Variants in GRID1 observed in about 807,000 individuals in gnomAD.
The protein encoded by GRID1 is glutamate ionotropic receptor delta type subunit 1.
Under a neutral mutation model 98.0 loss-of-function variants are expected in GRID1, and 28 were observed. That is an observed-to-expected ratio of 0.29 (90% CI 0.21 to 0.39). GRID1 has a LOEUF of 0.39. Ranked by LOEUF, GRID1 falls within the 10% of genes least tolerant of loss-of-function variation. The pLI, the probability that GRID1 is intolerant of heterozygous loss-of-function variation, is 1.00. For synonymous variants in GRID1, 553 were observed against 538.5 expected (o/e 1.03, Z -0.37); for missense variants, 1,111 against 1,340.5 (o/e 0.83, Z 2.67).
At chr10:85,877,450 T>G (rs1288609579) in intron 5 of GRID1, among the ~76,000 whole-genome samples, 2 of 152,110 alleles carry the variant, frequency 1.3e-5, no homozygotes, top group Non-Finnish European at 2.9e-5. Flanking sequence ...GTCACCAAAA[T>G]CCACTGTTCT....
At chr10:85,729,686 C>T (rs1841802022) in intron 8 of GRID1, 72 bp from the exon 9 acceptor site, 5 of 884,800 alleles carry the variant, frequency 5.7e-6, no homozygotes, top group Admixed American at 2.0e-5. Flanking sequence ...TCGGCTCCTA[C>T]ACTGGGATCC....
chr10:85,840,739 T>A (rs555591761), intron 8 of GRID1, among the ~76,000 whole-genome samples: 1 of 152,090 alleles, frequency 6.6e-6, no homozygotes, highest in Non-Finnish European at 1.5e-5. Context: ...CCATTCACAA[T>A]TGCCACAAAA....
At chr10:85,940,979 T>C (rs17105990) in intron 4 of GRID1, among the ~76,000 whole-genome samples, 12,900 of 152,222 alleles carry the variant, frequency 0.085, 635 homozygotes, top group East Asian at 0.18. Context: ...TAAGAACCAT[T>C]CTGCTTGGGG....
chr10:86,178,569 G>A (rs578201080), intron 3 of GRID1, among the ~76,000 whole-genome samples: 3 of 152,318 alleles, frequency 2.0e-5, no homozygotes, highest in Admixed American at 1.3e-4. Flanking sequence ...GCACAAGAGA[G>A]CCCATGCGCC....
chr10:86,019,317 G>C (rs1843019045), intron 4 of GRID1, among the ~76,000 whole-genome samples: 1 of 152,190 alleles, frequency 6.6e-6, no homozygotes, highest in Non-Finnish European at 1.5e-5. Context: ...ACAGGCATGT[G>C]CCCCCTTGGT....
Position 85,727,872 on chromosome 10 carries a change from C to T in GRID1, c.1516G>A (p.Gly506Arg), listed in dbSNP as rs1261175074. 5.6e-6 allele frequency: 9 copies of T among 1,613,294 alleles called. No homozygotes were observed. The highest frequency in any genetic ancestry group is 2.2e-5 in the East Asian group (1 of 44,870). ...LHNTSWNGMI[G>R]ELISKRADLA... ...GGACCTACCTTGCTGATGAGCTCCC[C>T]GATCATCCCGTTCCAGGAGGTGTTA... Residue 506 changes from glycine to arginine, a missense_variant, in exon 10 of 16, where the codon GGG (glycine) becomes AGG (arginine). Coordinates refer to ENST00000327946, the MANE Select transcript of GRID1 (RefSeq NM_017551.3).
intron 2 of GRID1, among the ~76,000 whole-genome samples, chr10:86,253,276 C>T (rs1264502089): frequency 5.9e-5 from 9 of 152,236 alleles, no homozygotes; most frequent in Non-Finnish European, 2.9e-5. Context: ...CGGAGGCCTG[C>T]TCTTGGGAGA....
At chr10:86,143,700 G>A (rs748958556) in intron 3 of GRID1, among the ~76,000 whole-genome samples, 21 of 152,212 alleles carry the variant, frequency 1.4e-4, no homozygotes, top group Non-Finnish European at 2.2e-4. Context: ...GATCCAGAAA[G>A]GGCATGAGAA....
intron 8 of GRID1, among the ~76,000 whole-genome samples, chr10:85,791,285 T>G (rs926048323): frequency 6.6e-5 from 10 of 152,180 alleles, no homozygotes; most frequent in Non-Finnish European, 1.3e-4. Context: ...AGATGCCCCA[T>G]GGCGAGATGG....
intron 8 of GRID1, among the ~76,000 whole-genome samples, chr10:85,750,890 A>G (rs1461406212): frequency 6.6e-6 from 1 of 152,204 alleles, no homozygotes; most frequent in Non-Finnish European, 1.5e-5. Flanking sequence ...GTTACGGTCC[A>G]CCTCCTGGAT....
chr10:86,246,635 T>A (rs1327507312), intron 2 of GRID1, among the ~76,000 whole-genome samples: 1 of 152,128 alleles, frequency 6.6e-6, no homozygotes, highest in African/African-American at 2.4e-5. Flanking sequence ...GGTCCCTCCA[T>A]CCACCCTCCA....
intron 3 of GRID1, among the ~76,000 whole-genome samples, chr10:86,141,577 C>T (rs11201898): frequency 0.043 from 6,504 of 152,324 alleles, 147 homozygotes; most frequent in Non-Finnish European, 0.054. Flanking sequence ...CAGCCTTCCA[C>T]GGGTGCCAAT....
At chr10:85,969,101 C>T (rs1215650809) in intron 4 of GRID1, among the ~76,000 whole-genome samples, 1 of 152,108 alleles carries the variant, frequency 6.6e-6, no homozygotes, top group South Asian at 2.1e-4. Context: ...ACAAAAGGAA[C>T]ATTTTATAAT....
At chr10:85,899,852 T>C (rs1403171432) in intron 5 of GRID1, among the ~76,000 whole-genome samples, 3 of 152,200 alleles carry the variant, frequency 2.0e-5, no homozygotes, top group Admixed American at 6.5e-5. Context: ...ATTGCCTCAG[T>C]AGCTGACAAG....
intron 3 of GRID1, among the ~76,000 whole-genome samples, chr10:86,182,644 G>C (rs996811979): frequency 6.6e-6 from 1 of 152,172 alleles, no homozygotes; most frequent in Non-Finnish European, 1.5e-5. Context: ...CTTCTAGATT[G>C]CAATGCACTT....
chr10:85,612,436 C>T (rs7906330), intron 15 of GRID1, among the ~76,000 whole-genome samples: 5,118 of 152,256 alleles, frequency 0.034, 131 homozygotes, highest in African/African-American at 0.075. Context: ...TCTGAGCCTC[C>T]AGTAAAAACA....
At chr10:85,846,704 G>T (rs1444175115) in intron 8 of GRID1, among the ~76,000 whole-genome samples, 1 of 152,134 alleles carries the variant, frequency 6.6e-6, no homozygotes, top group Non-Finnish European at 1.5e-5. Flanking sequence ...TAATAGGAAT[G>T]AAGAGGGAGA....
chr10:85,946,442 A>G (rs7903348), intron 4 of GRID1, among the ~76,000 whole-genome samples: 15,100 of 152,294 alleles, frequency 0.099, 786 homozygotes, highest in East Asian at 0.18. Flanking sequence ...TGACTTAAAA[A>G]TTAGAAACAG....
chr10:86,194,424 G>A (rs1454843854), intron 3 of GRID1, among the ~76,000 whole-genome samples: 2 of 152,064 alleles, frequency 1.3e-5, no homozygotes, highest in Non-Finnish European at 2.9e-5. Flanking sequence ...ACCAAACAAT[G>A]CCCGGGGCAT....
Sources: allele counts gnomAD v4.1 joint callset (sites outside exome capture counted in the v4.1 genomes callset), GRCh38; gene constraint gnomAD v4.1.1; transcripts MANE v1.5; gene names NCBI Gene and HGNC (gene_info 2026-07-23, HGNC 2026-07-21).